The following PTN variants were observed in gnomAD, a reference collection of about 807,000 sequenced individuals.
PTN encodes the protein pleiotrophin, also known as heparin affin regulatory protein.
PTN carries 18 observed loss-of-function variants against 24.1 expected under a neutral mutation model. The observed-to-expected ratio is 0.75, with a 90% confidence interval of 0.52 to 1.11. The LOEUF is 1.11. Among genes scored for constraint, PTN ranks in the 50% least tolerant of loss-of-function variants. The probability of loss-of-function intolerance (pLI) is 0.00; values close to 1 mark genes in which losing one functional copy is unlikely to be tolerated. For missense variants in PTN, 163 were observed against 198.8 expected, an observed-to-expected ratio of 0.82 and a Z score of 1.08; for synonymous variants, 78 against 68.6, an observed-to-expected ratio of 1.14 and a Z score of -0.67.
At chr7:137,309,999 C>T (rs1809952977) in intron 1 of PTN, among the ~76,000 whole-genome samples, 1 of 152,120 alleles carries the variant, frequency 6.6e-6, no homozygotes, top group Admixed American at 6.5e-5. Flanking sequence ...GAGGAATCAC[C>T]ATCTATGGCA....
intron 1 of PTN, among the ~76,000 whole-genome samples, chr7:137,324,433 A>AT (rs1554383234): frequency 0.016 from 1,382 of 88,748 alleles, 16 homozygotes; most frequent in South Asian, 0.023. Flanking sequence ...AAAAAAAAAA[A>AT]ATATATATAT....
In PTN at chr7:137,254,935, A is replaced by T. The variant is rs776955119; in HGVS notation, c.39T>A (p.Phe13Leu). The stretch of plus-strand genomic sequence containing the variant: ...AAATGAATGCCAAGAAGGCAGCTGC[A>T]AATTTTCGACGCTGCTGCTGGTACT... ...AQQYQQQRRK[F>L]AAAFLAFIFI... Residue 13 changes from phenylalanine (F) to leucine (L), a missense_variant, in exon 2 of 5, where the codon TTT becomes TTA. Transcript: ENST00000348225. 6.3e-7 allele frequency: 1 copy of T among 1,579,984 alleles called. No individual in the cohort carries two copies. The highest frequency in any genetic ancestry group is 1.1e-5 in the South Asian group (1 of 87,284).
At chr7:137,296,736 A>G (rs974775237) in intron 1 of PTN, among the ~76,000 whole-genome samples, 7 of 152,086 alleles carry the variant, frequency 4.6e-5, no homozygotes, top group Non-Finnish European at 5.9e-5. Context: ...TGGCTTAGCA[A>G]TACCAGGCAC....
In PTN at chr7:137,227,682, TA is replaced by T. The variant is rs1808356491; in HGVS notation, c.*337del. 5.6e-6 allele frequency: 1 copy of T among 180,176 alleles called. No individual in the cohort carries two copies. 11.2% of individuals were successfully genotyped at this position (180,176 alleles called of 1,614,324 possible). ...TACCTAACAAGAGAAGTAGTTTACA[TA>T]GTCATAACATTTAAATTGCTGCCCA... On this transcript the variant is annotated 3_prime_UTR_variant, in exon 5 of 5. Transcript: ENST00000348225.
intron 1 of PTN, among the ~76,000 whole-genome samples, chr7:137,296,015 T>C (rs999830710): frequency 1.3e-4 from 20 of 152,066 alleles, no homozygotes; most frequent in African/African-American, 4.6e-4. Flanking sequence ...GGTAGCATGA[T>C]GCCACGGAGA....
intron 1 of PTN, chr7:137,287,547 A>G (rs1352211990): frequency 1.3e-5 from 2 of 152,138 alleles, no homozygotes; most frequent in Non-Finnish European, 2.9e-5. Flanking sequence ...TCTGTTATAT[A>G]CAAGATTCTG....
chr7:137,263,451 T>C (rs1356357800), intron 1 of PTN, among the ~76,000 whole-genome samples: 1 of 152,238 alleles, frequency 6.6e-6, no homozygotes, highest in African/African-American at 2.4e-5. Context: ...CAATCTATTT[T>C]GATAGATAGC....
At chr7:137,286,191 AAGAT>A (rs1479028455) in intron 1 of PTN, among the ~76,000 whole-genome samples, 1 of 152,236 alleles carries the variant, frequency 6.6e-6, no homozygotes, top group Non-Finnish European at 1.5e-5. Context: ...GATATTAATT[AAGAT>A]AGATAAAGTC....
chr7:137,287,036 A>G (rs1010664663), intron 1 of PTN, among the ~76,000 whole-genome samples: 24 of 152,316 alleles, frequency 1.6e-4, no homozygotes, highest in African/African-American at 5.8e-4. Context: ...ACTTGATTTG[A>G]GTCCTAATTA....
At chr7:137,287,670 T>C (rs1452821074) in intron 1 of PTN, 1 of 152,164 alleles carries the variant, frequency 6.6e-6, no homozygotes, top group Non-Finnish European at 1.5e-5. Context: ...AAATGTTCCA[T>C]ATAATTAAAA....
chr7:137,331,192 G>A (rs1228500457), intron 1 of PTN, among the ~76,000 whole-genome samples: 5 of 152,088 alleles, frequency 3.3e-5, no homozygotes, highest in Non-Finnish European at 5.9e-5. Flanking sequence ...CCTGCTTTTA[G>A]GAAATGTGGA....
At chr7:137,229,894 G>T (rs1808399423) in intron 4 of PTN, among the ~76,000 whole-genome samples, 1 of 151,684 alleles carries the variant, frequency 6.6e-6, no homozygotes, top group Admixed American at 6.6e-5. Context: ...CCCAATTTTT[G>T]GTCAACATTT....
intron 1 of PTN, among the ~76,000 whole-genome samples, chr7:137,301,036 C>G (rs1212416152): frequency 6.6e-6 from 1 of 150,630 alleles, no homozygotes; most frequent in Non-Finnish European, 1.5e-5. Context: ...TGGGTAATTA[C>G]AAAGAAGTCA....
At chr7:137,278,382 G>A (rs1316048843) in intron 1 of PTN, among the ~76,000 whole-genome samples, 1 of 139,380 alleles carries the variant, frequency 7.2e-6, no homozygotes, top group Non-Finnish European at 1.5e-5. Context: ...AGATAAACAA[G>A]CAAGACCCAA....
intron 1 of PTN, among the ~76,000 whole-genome samples, chr7:137,255,698 T>C (rs1460893875): frequency 6.6e-6 from 1 of 152,200 alleles, no homozygotes; most frequent in African/African-American, 2.4e-5. Context: ...ATGCTCACAT[T>C]TGATGTGAAT....
chr7:137,303,680 T>G (rs531225553), intron 1 of PTN, among the ~76,000 whole-genome samples: 2 of 152,132 alleles, frequency 1.3e-5, no homozygotes, highest in African/African-American at 4.8e-5. Flanking sequence ...AATCCAATTC[T>G]CATCAAAATT....
At chr7:137,271,395 A>G (rs1809269648) in intron 1 of PTN, among the ~76,000 whole-genome samples, 1 of 152,172 alleles carries the variant, frequency 6.6e-6, no homozygotes, top group Non-Finnish European at 1.5e-5. Context: ...GTTCCCTATT[A>G]ATCTTTACAA....
chr7:137,234,752 G>T (rs1399406978), intron 4 of PTN, among the ~76,000 whole-genome samples: 1 of 152,010 alleles, frequency 6.6e-6, no homozygotes, highest in African/African-American at 2.4e-5. Flanking sequence ...TCAGTAAAAG[G>T]TCTTGCTTTG....
chr7:137,341,604 A>C (rs1810535502), intron 1 of PTN, among the ~76,000 whole-genome samples: 1 of 152,156 alleles, frequency 6.6e-6, no homozygotes, highest in Non-Finnish European at 1.5e-5. Context: ...ATTTATCTCA[A>C]GCTCTAGCTT....
Sources: allele counts gnomAD v4.1 joint callset (sites outside exome capture counted in the v4.1 genomes callset), GRCh38; gene constraint gnomAD v4.1.1; transcripts MANE v1.5; gene names NCBI Gene and HGNC (gene_info 2026-07-23, HGNC 2026-07-21).